Variants in NCKAP5 observed in about 807,000 individuals in gnomAD.
NCKAP5 encodes the protein NCK associated protein 5.
A neutral mutation model predicts 167.0 loss-of-function variants in NCKAP5; 92 were observed. The ratio of observed to expected loss-of-function variants is 0.55; its 90% CI spans 0.47 to 0.66. The LOEUF is 0.66. Ranked by LOEUF, NCKAP5 falls within the 30% of genes least tolerant of loss-of-function variation. The pLI is 0.00. For missense variants in NCKAP5, 2,378 were observed against 2,315.0 expected (o/e 1.03, Z -0.56); for synonymous variants, 891 against 877.4 (o/e 1.02, Z -0.27).
intron 6 of NCKAP5, among the ~76,000 whole-genome samples, chr2:133,008,090 C>T (rs2078027792): frequency 1.3e-5 from 2 of 152,094 alleles, no homozygotes; most frequent in African/African-American, 2.4e-5. Flanking sequence ...GCAGCCCAGC[C>T]TCGCTAACTT....
At chr2:133,134,034 G>A (rs2082699982) in intron 5 of NCKAP5, among the ~76,000 whole-genome samples, 2 of 152,180 alleles carry the variant, frequency 1.3e-5, no homozygotes, top group Non-Finnish European at 2.9e-5. Flanking sequence ...CAAATCTTAG[G>A]TTTGCCGATT....
At chr2:133,134,151 G>A (rs891971233) in intron 5 of NCKAP5, among the ~76,000 whole-genome samples, 2 of 152,138 alleles carry the variant, frequency 1.3e-5, no homozygotes, top group African/African-American at 2.4e-5. Flanking sequence ...TCAGTCCACT[G>A]TGTGCATTAC....
intron 11 of NCKAP5, among the ~76,000 whole-genome samples, chr2:132,805,620 C>A (rs2105229616): frequency 6.8e-6 from 1 of 147,392 alleles, no homozygotes; most frequent in South Asian, 2.2e-4. Context: ...AGCATAATTC[C>A]ATATGTAAAT....
At chr2:132,716,004 G>A (rs1689338312) in intron 19 of NCKAP5, among the ~76,000 whole-genome samples, 1 of 152,144 alleles carries the variant, frequency 6.6e-6, no homozygotes, top group African/African-American at 2.4e-5. Context: ...GTTGGGGGCT[G>A]TCCTGTGCAT....
intron 11 of NCKAP5, among the ~76,000 whole-genome samples, chr2:132,815,872 G>A (rs1341757128): frequency 1.3e-5 from 2 of 152,162 alleles, no homozygotes; most frequent in African/African-American, 4.8e-5. Flanking sequence ...TTGAAACAAA[G>A]AGGATAATAA....
intron 6 of NCKAP5, among the ~76,000 whole-genome samples, chr2:133,051,790 T>A (rs984479958): frequency 2.0e-5 from 3 of 152,342 alleles, no homozygotes; most frequent in Admixed American, 2.0e-4. Context: ...TGTTTAAGCA[T>A]GGGTTCTAGA....
intron 3 of NCKAP5, among the ~76,000 whole-genome samples, chr2:133,488,503 G>A (rs929220507): frequency 6.6e-6 from 1 of 152,076 alleles, no homozygotes; most frequent in Admixed American, 6.5e-5. Flanking sequence ...GGCAACAAAC[G>A]CACATTTTTC....
chr2:132,744,030 C>A (rs568256463), intron 16 of NCKAP5, among the ~76,000 whole-genome samples: 1 of 151,432 alleles, frequency 6.6e-6, no homozygotes, highest in African/African-American at 2.4e-5. Context: ...AATAGAACTC[C>A]AAAATTATGA....
chr2:133,333,441 G>C (rs1683002159), intron 3 of NCKAP5, among the ~76,000 whole-genome samples: 1 of 152,132 alleles, frequency 6.6e-6, no homozygotes, highest in Non-Finnish European at 1.5e-5. Flanking sequence ...AATGCTCTCT[G>C]CTTTCTTCCA....
chr2:133,668,136 T>G, the NCKAP5 span, among the ~76,000 whole-genome samples: 1 of 152,074 alleles, frequency 6.6e-6, no homozygotes, highest in Admixed American at 6.5e-5. Flanking sequence ...GGCTAGATAA[T>G]ATTCTATTGT....
At position 132,749,846 on chromosome 2, in the gene NCKAP5, C is replaced by T. The variant is rs911514243; in HGVS notation, c.5129-17795G>A. On this transcript the variant is annotated intron_variant, in intron 16 of 19. Transcript: ENST00000409261. ...TTAACTGGCTGGCAGATGACTGTGA[C>T]TTCAGTATCTAGCAGAGCCCTGGAG... Among the ~76,000 whole-genome samples the T allele has an allele frequency of 5.9e-5, 9 of 152,176 alleles. No individual in the cohort carries two copies. In the East Asian group the frequency reaches 1.7e-3, roughly 29 times the overall value.
Position 133,124,514 on chromosome 2 carries a change from C to T in NCKAP5, c.341+5464G>A, listed in dbSNP as rs142489095. 9.2e-3 allele frequency among the ~76,000 whole-genome samples: 1,408 copies of T among 152,314 alleles called. 12 individuals carry two copies. Among genetic ancestry groups the T allele is most frequent in the Middle Eastern group, 0.02 (6 of 294 alleles). The stretch of plus-strand genomic sequence containing the variant: ...GTGTAGTATTACTGTTGTCACTATG[C>T]AATCATTAATTTCATCTGACTATTC... On this transcript the variant is annotated intron_variant, in intron 6 of 19. Transcript: ENST00000409261.
At chr2:133,005,560 A>T (rs543837978) in intron 6 of NCKAP5, among the ~76,000 whole-genome samples, 1 of 152,330 alleles carries the variant, frequency 6.6e-6, no homozygotes, top group East Asian at 1.9e-4. Context: ...TACATGGAGC[A>T]TTAGGTCTGC....
At chr2:133,614,284 G>A in the NCKAP5 span, among the ~76,000 whole-genome samples, 170 of 151,602 alleles carry the variant, frequency 1.1e-3, no homozygotes, top group East Asian at 0.025. Context: ...GTGGGAGTGA[G>A]ACTAGCTGGA....
At chr2:133,456,589 A>G (rs1384326903) in intron 3 of NCKAP5, among the ~76,000 whole-genome samples, 1 of 152,092 alleles carries the variant, frequency 6.6e-6, no homozygotes, top group Non-Finnish European at 1.5e-5. Flanking sequence ...TTTGTATGTC[A>G]TGATATTTTA....
chr2:132,766,179 C>A (rs1681463132), intron 16 of NCKAP5, among the ~76,000 whole-genome samples: 1 of 143,454 alleles, frequency 7.0e-6, no homozygotes, highest in African/African-American at 2.6e-5. Context: ...ACTCGGGAGG[C>A]TGAGGCAGGA....
the NCKAP5 span, among the ~76,000 whole-genome samples, chr2:133,639,907 A>C: frequency 6.6e-6 from 1 of 152,236 alleles, no homozygotes; most frequent in Non-Finnish European, 1.5e-5. Context: ...AAGATATGAC[A>C]CAATTATCAT....
intron 3 of NCKAP5, among the ~76,000 whole-genome samples, chr2:133,463,095 G>A (rs1031987521): frequency 2.6e-5 from 4 of 152,094 alleles, no homozygotes; most frequent in African/African-American, 9.7e-5. Flanking sequence ...TTCTGACTTG[G>A]TACCATAATA....
At chr2:132,776,810 A>G (rs1272409772) in intron 15 of NCKAP5, among the ~76,000 whole-genome samples, 1 of 152,116 alleles carries the variant, frequency 6.6e-6, no homozygotes, top group Middle Eastern at 3.2e-3. Flanking sequence ...TTCATTCTTG[A>G]TCCCATAGGA....
Sources: gnomAD v4.1 joint callset for allele counts (sites outside exome capture counted in the v4.1 genomes callset) on GRCh38, gnomAD v4.1.1 for gene constraint, MANE v1.5 for transcripts, NCBI Gene and HGNC (gene_info 2026-07-23, HGNC 2026-07-21) for gene names.